The following CAGE1 variants were observed in gnomAD, a reference collection of about 807,000 sequenced individuals.
The protein encoded by CAGE1 is cancer antigen 1.
A neutral mutation model predicts 94.9 loss-of-function variants in CAGE1; 66 were observed. The observed-to-expected ratio is 0.70, with a 90% CI of 0.57 to 0.85. The LOEUF is 0.85. CAGE1 is among the 40% of genes least tolerant of loss of function. CAGE1 has a pLI of 0.00. For synonymous variants in CAGE1, 319 were observed against 321.0 expected (o/e 0.99, Z 0.07); for missense variants, 865 against 950.4 (o/e 0.91, Z 1.18).
rs556183273 is a variant in CAGE1, at chr6:7,345,119, C to T, written c.2369+9922G>A. The stretch of plus-strand genomic sequence containing the variant: ...ATCTTAACTCTTGTTGCTGTTTGCT[C>T]TTTAGATCCATATTGCTTTTAGGAG... On this transcript the variant is annotated intron_variant, in intron 11 of 13. Transcript: ENST00000502583. Among the ~76,000 whole-genome samples the T allele has an allele frequency of 6.4e-4, 96 of 150,940 alleles. 1 individual carries two copies. In the South Asian group the frequency reaches 0.013, roughly 20 times the overall value.
At chr6:7,329,979 T>C (rs1413346187) in intron 12 of CAGE1, 91 bp from the exon 13 acceptor site, 3 of 620,232 alleles carry the variant, frequency 4.8e-6, no homozygotes, top group African/African-American at 3.7e-5. Context: ...ATTTAGCATA[T>C]TTTCCCCTCA....
chr6:7,345,656 A>G (rs1336764874), intron 11 of CAGE1, among the ~76,000 whole-genome samples: 4 of 152,172 alleles, frequency 2.6e-5, no homozygotes, highest in African/African-American at 4.8e-5. Context: ...GGCCCGGCGC[A>G]GTGGCTCATG....
rs1206341569 is a variant in CAGE1 at position 7,362,565 on chromosome 6, C to G, written c.2193+2903G>C. On this transcript the variant is annotated intron_variant, in intron 9 of 13. Coordinates refer to ENST00000502583, the MANE Select transcript of CAGE1 (RefSeq NM_001170692.2). This position sits in a 1 kb window ranked among gnomAD's most constrained non-coding sequence, Gnocchi z 4.1. Reference sequence around the variant, plus strand: ...AATGGAGCAGATGGCAGGGTCAGAACTGTGAAGAGGAGCCAACGGCAAGGG... The same window carrying G: ...AATGGAGCAGATGGCAGGGTCAGAAGTGTGAAGAGGAGCCAACGGCAAGGG... Among the ~76,000 whole-genome samples, 1 of 152,136 alleles carries G rather than the reference C, an allele frequency of 6.6e-6. No homozygotes were observed. The highest frequency in any genetic ancestry group is 1.5e-5 in the Non-Finnish European group (1 of 68,024).
intron 11 of CAGE1, among the ~76,000 whole-genome samples, 193 bp downstream of exon 11, chr6:7,354,848 A>G (rs2113408192): frequency 6.6e-6 from 1 of 152,346 alleles, no homozygotes; most frequent in South Asian, 2.1e-4. Context: ...AAGGAAGATG[A>G]AAATCTGGTT....
chr6:7,328,344 T>C (rs1341431546), intron 13 of CAGE1, among the ~76,000 whole-genome samples: 1 of 152,158 alleles, frequency 6.6e-6, no homozygotes, highest in Non-Finnish European at 1.5e-5. Context: ...ATAGGTGCTA[T>C]TACGTCAAAG....
chr6:7,371,421 A>G (rs572348250), intron 5 of CAGE1, among the ~76,000 whole-genome samples: 2 of 152,314 alleles, frequency 1.3e-5, no homozygotes, highest in Admixed American at 1.3e-4. Context: ...AAATGATTAC[A>G]GATTCATAAA....
At chr6:7,334,839 A>AC (rs2113350139) in intron 11 of CAGE1, among the ~76,000 whole-genome samples, 1 of 152,304 alleles carries the variant, frequency 6.6e-6, no homozygotes, top group East Asian at 1.9e-4. Context: ...ACTGTCACAA[A>AC]CCCATTTTTC....
chr6:7,361,030 G>T (rs1320462371), intron 9 of CAGE1, among the ~76,000 whole-genome samples: 1 of 152,148 alleles, frequency 6.6e-6, no homozygotes, highest in African/African-American at 2.4e-5. Flanking sequence ...ACAACAGGCA[G>T]ATATGAAGAT....
intron 11 of CAGE1, chr6:7,347,503 T>A (rs934352351): frequency 3.3e-5 from 1 of 29,924 alleles, no homozygotes. Flanking sequence ...AAAGCGAGGG[T>A]GGGGGGGGGG....
rs2113451750 is a variant in CAGE1 at position 7,373,141 on chromosome 6, C to T, written c.1678G>A (p.Val560Ile). Residue 560 changes from valine (V) to isoleucine (I), a missense_variant, in exon 5 of 14, where the codon GTC becomes ATC. Val to Ile is a conservative substitution (Grantham distance 29, BLOSUM62 3). Transcript: ENST00000502583. ...AACTGAGCTGTCTCAAATTTAGGGA[C>T]ATAATTTTGCTCTTCACTCCTTGCA... Reference protein sequence around the residue: ...QVARSEEQNYVPKFETAQLKD... With the variant: ...QVARSEEQNYIPKFETAQLKD... 6.2e-7 allele frequency: 1 copy of T among 1,613,398 alleles called. No individual in the cohort carries two copies. The highest frequency in any genetic ancestry group is 2.2e-5 in the East Asian group (1 of 44,876).
At chr6:7,331,619 G>T in intron 12 of CAGE1, 1 of 283,186 alleles carries the variant, frequency 3.5e-6, no homozygotes. Flanking sequence ...GCAACTCTAC[G>T]CTGTTTAAGA....
chr6:7,365,521 G>A lies in CAGE1; in HGVS notation c.2140C>T (p.Leu714=), dbSNP rs371788934. 7.4e-6 allele frequency: 12 copies of A among 1,613,396 alleles called. No individual in the cohort carries two copies. The highest frequency in any genetic ancestry group is 1.0e-5 in the Non-Finnish European group (12 of 1,179,560). Residue 714 remains leucine, a synonymous_variant, in exon 9 of 14, where the codon CTG becomes TTG. Transcript: ENST00000502583. The part of the protein sequence containing the change: ...AKSIRDVPTL[L]GAKLDKYHSL... ...TGGTACTTATCCAGTTTGGCTCCCA[G>A]AAGGGTAGGTACATCTCTGATACTC...
intron 1 of CAGE1, among the ~76,000 whole-genome samples, chr6:7,388,908 T>A (rs1484583570): frequency 2.0e-5 from 3 of 152,238 alleles, no homozygotes; most frequent in African/African-American, 7.2e-5. Context: ...AGTTTTCTTG[T>A]TTGTGAACCC....
At chr6:7,380,610 G>A (rs1044456333) in intron 3 of CAGE1, among the ~76,000 whole-genome samples, 5 of 151,218 alleles carry the variant, frequency 3.3e-5, no homozygotes, top group Non-Finnish European at 4.4e-5. Flanking sequence ...GCACTCCAGC[G>A]TGGGTGACAG....
At chr6:7,331,221 A>C (rs1026423368) in intron 12 of CAGE1, 1 of 385,516 alleles carries the variant, frequency 2.6e-6, no homozygotes, top group Non-Finnish European at 4.7e-6. Context: ...TTTTGGGGTC[A>C]CGGTAAGATA....
intron 13 of CAGE1, among the ~76,000 whole-genome samples, chr6:7,329,427 G>T (rs1468023514): frequency 1.3e-5 from 2 of 152,182 alleles, no homozygotes; most frequent in African/African-American, 4.8e-5. Context: ...AAGGAGCTCA[G>T]ATTTGATCCA....
chr6:7,370,165 G>A, intron 5 of CAGE1, 100 bp from the exon 6 acceptor site: 1 of 777,474 alleles, frequency 1.3e-6, no homozygotes, highest in Non-Finnish European at 1.9e-6. Context: ...AAAACCTTGG[G>A]CGACAGTTCT....
chr6:7,335,476 A>G (rs906085275), intron 11 of CAGE1, among the ~76,000 whole-genome samples: 1 of 152,182 alleles, frequency 6.6e-6, no homozygotes, highest in African/African-American at 2.4e-5. Context: ...AAGAGCATAC[A>G]CTCCTAGGCC....
chr6:7,389,221 C>T lies in CAGE1; in HGVS notation c.-43G>A, dbSNP rs1196948671. On this transcript the variant is annotated 5_prime_UTR_variant, in exon 1 of 14. Transcript: ENST00000502583. ...CTTTACCTTTTTAAAAAGCACTTATCTCATTCATTTTTCACCTCAAAACGA... is the reference window on the plus strand; with the variant it reads ...CTTTACCTTTTTAAAAAGCACTTATTTCATTCATTTTTCACCTCAAAACGA... 1 of 455,890 alleles carries T rather than the reference C, an allele frequency of 2.2e-6. No homozygotes were observed. Among genetic ancestry groups the T allele is most frequent in the Non-Finnish European group, 4.4e-6 (1 of 226,856 alleles). 28.2% of individuals were successfully genotyped at this position (455,890 alleles called of 1,614,324 possible).
Sources: gnomAD v4.1 joint callset for allele counts (sites outside exome capture counted in the v4.1 genomes callset) on GRCh38, gnomAD v4.1.1 for gene constraint, Gnocchi (gnomAD v3.1) non-coding constraint, MANE v1.5 for transcripts, NCBI Gene and HGNC (gene_info 2026-07-23, HGNC 2026-07-21) for gene names.